The following EPM2A variants were observed in gnomAD, a reference collection of about 807,000 sequenced individuals.
EPM2A encodes the protein EPM2A glucan phosphatase, laforin, also known as laforin.
In EPM2A, 21 loss-of-function variants were observed where a neutral mutation model predicts 26.5. The observed-to-expected ratio is 0.79, with a 90% confidence interval of 0.56 to 1.14. EPM2A has a LOEUF of 1.14. Among genes scored for constraint, EPM2A ranks in the 50% most tolerant of loss-of-function variants. The probability of loss-of-function intolerance (pLI) is 0.00; values close to 1 mark genes in which losing one functional copy is unlikely to be tolerated. For missense variants in EPM2A, 458 were observed against 440.8 expected (o/e 1.04, Z -0.35); for synonymous variants, 217 against 177.6 (o/e 1.22, Z -1.76).
At chr6:145,404,104 T>A (rs995588956) in intron 4 of EPM2A, among the ~76,000 whole-genome samples, 17 of 152,198 alleles carry the variant, frequency 1.1e-4, no homozygotes, top group Non-Finnish European at 2.1e-4. Context: ...CCATTTTTTT[T>A]ATCAGATTAT....
intron 2 of EPM2A, among the ~76,000 whole-genome samples, chr6:145,525,460 G>C (rs1780258631): frequency 6.6e-6 from 1 of 151,872 alleles, no homozygotes; most frequent in Non-Finnish European, 1.5e-5. Context: ...CCATTTGCTT[G>C]TGCCATCTTT....
chr6:145,658,211 G>A (rs974763957), intron 2 of EPM2A, among the ~76,000 whole-genome samples: 4 of 152,126 alleles, frequency 2.6e-5, no homozygotes, highest in Non-Finnish European at 5.9e-5. Flanking sequence ...ATCTGTCCAC[G>A]CATGCAGTCA....
rs1780902361 is a variant in EPM2A at position 145,686,237 on chromosome 6, C to A, written c.361G>T (p.Val121Leu). The change falls in exon 2 of 4, where the codon GTG becomes TTG. Residue 121 changes from valine (V) to leucine (L), a missense_variant. Val to Leu is a conservative substitution (Grantham distance 32). Transcript: ENST00000367519. The stretch of plus-strand genomic sequence containing the variant: ...CAGTGTCCTATTGGGAGACAATACA[C>A]ACCATCCACCAAGTTGTTTTCATTG... ...TYNENNLVDGVYCLPIGHWIE... is the reference protein window; with the variant it reads ...TYNENNLVDGLYCLPIGHWIE... 4 of 1,613,816 alleles carry A rather than the reference C, an allele frequency of 2.5e-6. No homozygotes were observed. The highest frequency in any genetic ancestry group is 2.5e-6 in the Non-Finnish European group (3 of 1,179,730).
intron 2 of EPM2A, among the ~76,000 whole-genome samples, chr6:145,527,571 T>A (rs1780293204): frequency 6.6e-6 from 1 of 152,122 alleles, no homozygotes; most frequent in Non-Finnish European, 1.5e-5. Context: ...TGGTTTAAAG[T>A]CTTTTGGTTG....
In EPM2A at chr6:145,627,421, G is replaced by A; in HGVS notation, c.991C>T (p.Leu331=). The part of the protein sequence containing the change: ...FGKVRSSVCS[L] ...GGCAGAAGCAGGCTGACCAGCTACA[G>A]GCTACACACAGAAGAACGAACCTTC... Residue 331 remains leucine (L), a synonymous_variant, in exon 4 of 4, where the codon CTG becomes TTG. Transcript: ENST00000367519. 6.2e-7 allele frequency: 1 copy of A among 1,614,148 alleles called. No homozygotes were observed. The highest frequency in any genetic ancestry group is 8.5e-7 in the Non-Finnish European group (1 of 1,180,042).
At chr6:145,497,313 G>T (rs1054280762), downstream of EPM2A, among the ~76,000 whole-genome samples, 1 of 152,122 alleles carries the variant, frequency 6.6e-6, no homozygotes, top group Non-Finnish European at 1.5e-5. Flanking sequence ...AGGTTTGCTG[G>T]GCATCTGCTC....
At chr6:145,520,826 G>A (rs975262485) in intron 2 of EPM2A, among the ~76,000 whole-genome samples, 2 of 152,116 alleles carry the variant, frequency 1.3e-5, no homozygotes, top group Admixed American at 6.6e-5. Flanking sequence ...GGGTAGTTAG[G>A]GAAGACTTCA....
At position 145,627,690 on chromosome 6, in the gene EPM2A, C is replaced by A; in HGVS notation, c.722G>T (p.Arg241Leu). ...MPTPDMSTEGRVQMLPQAVCL... is the reference protein window; with the variant it reads ...MPTPDMSTEGLVQMLPQAVCL... ...CACCGCCTGGGGCAGCATCTGTACT[C>A]GGCCTGCGGTGGGGAAAGCACAGCA... is the stretch of plus-strand genomic sequence containing the variant. Residue 241 changes from arginine (R) to leucine (L), a missense_variant, in exon 4 of 4, where the codon CGA becomes CTA. Transcript: ENST00000367519. The A allele has an allele frequency of 6.8e-6, 11 of 1,613,982 alleles. No homozygotes were observed. Among genetic ancestry groups the A allele is most frequent in the Non-Finnish European group, 9.3e-6 (11 of 1,180,012 alleles).
At chr6:145,421,247 G>A (rs1778777369) in intron 4 of EPM2A, among the ~76,000 whole-genome samples, 2 of 152,218 alleles carry the variant, frequency 1.3e-5, no homozygotes, top group Non-Finnish European at 2.9e-5. Flanking sequence ...GACTAAACAA[G>A]AAGAATGATA....
intron 1 of EPM2A, among the ~76,000 whole-genome samples, chr6:145,693,829 G>C (rs990944566): frequency 2.0e-5 from 3 of 151,914 alleles, no homozygotes; most frequent in African/African-American, 7.2e-5. Context: ...CTTCAGAACA[G>C]TTTTAGCTAC....
chr6:145,403,875 T>C (rs1318672911), intron 4 of EPM2A, among the ~76,000 whole-genome samples: 1 of 152,156 alleles, frequency 6.6e-6, no homozygotes, highest in Non-Finnish European at 1.5e-5. Context: ...ATTTACATTC[T>C]CACCAACAGT....
At chr6:145,454,084 T>C (rs1011441835) in intron 4 of EPM2A, among the ~76,000 whole-genome samples, 1 of 152,194 alleles carries the variant, frequency 6.6e-6, no homozygotes, top group Non-Finnish European at 1.5e-5. Context: ...AATATGTCTG[T>C]AGTATTAAAT....
Position 145,572,120 on chromosome 6 carries a change from G to A in EPM2A, c.340+63125C>T, listed in dbSNP as rs9497349. Among the ~76,000 whole-genome samples, 1,301 of 152,250 alleles carry A rather than the reference G, an allele frequency of 8.5e-3. 20 individuals are homozygous for A. Among genetic ancestry groups the A allele is most frequent in the African/African-American group, 0.03 (1,246 of 41,538 alleles). ...CTTCCATGCAAATGCACAACCAGGC[G>A]CACTGCTCAAAGTTCTGCCCACTGG... On this transcript the variant is annotated intron_variant, in intron 2 of 3. Coordinates refer to the EPM2A transcript ENST00000450221.
chr6:145,444,310 G>C (rs1300318683), intron 4 of EPM2A, among the ~76,000 whole-genome samples: 2 of 152,192 alleles, frequency 1.3e-5, no homozygotes, highest in East Asian at 3.8e-4. Context: ...TCAATGTAAA[G>C]GAACGTTGAA....
At chr6:145,547,518 A>G (rs1413858982) in intron 2 of EPM2A, among the ~76,000 whole-genome samples, 4 of 152,158 alleles carry the variant, frequency 2.6e-5, no homozygotes, top group African/African-American at 9.7e-5. Flanking sequence ...TTGGGTGTAC[A>G]TGGAAGCACA....
At chr6:145,496,728 A>ATGTTTTGTTTTTTTTTTTTT (rs779194973), downstream of EPM2A, among the ~76,000 whole-genome samples, 2 of 106,908 alleles carry the variant, frequency 1.9e-5, no homozygotes, top group Admixed American at 9.7e-5. Flanking sequence ...AGTTCCTGCA[A>ATGTTTTGTTTTTTTTTTTTT]TTTTTTTTTT....
At chr6:145,388,450 T>C (rs1038902641) in intron 4 of EPM2A, among the ~76,000 whole-genome samples, 2 of 152,194 alleles carry the variant, frequency 1.3e-5, no homozygotes, top group Non-Finnish European at 2.9e-5. Context: ...TATCTCCATG[T>C]TGCCCCCTAA....
chr6:145,485,673 T>A (rs549330926), intron 4 of EPM2A, among the ~76,000 whole-genome samples: 9 of 152,284 alleles, frequency 5.9e-5, no homozygotes, highest in African/African-American at 2.2e-4. Context: ...TGTTCTGCCC[T>A]TGCAATGAGA....
chr6:145,727,208 AC>A (rs1776255271), intron 1 of EPM2A, among the ~76,000 whole-genome samples: 2 of 152,184 alleles, frequency 1.3e-5, no homozygotes, highest in Non-Finnish European at 2.9e-5. Flanking sequence ...ATATAAGGAA[AC>A]GAGAAGATAA....
Sources: allele counts gnomAD v4.1 joint callset (sites outside exome capture counted in the v4.1 genomes callset), GRCh38; gene constraint gnomAD v4.1.1; transcripts MANE v1.5; gene names NCBI Gene and HGNC (gene_info 2026-07-23, HGNC 2026-07-21).